SLC11A2: variants seen among roughly 807,000 people sequenced by gnomAD.
SLC11A2 encodes natural resistance-associated macrophage protein 2.
A neutral mutation model predicts 68.0 loss-of-function variants in SLC11A2; 38 were observed. That is an observed-to-expected ratio of 0.56 (90% CI 0.43 to 0.73). SLC11A2 has a LOEUF of 0.73. Among genes scored for constraint, SLC11A2 ranks in the 30% least tolerant of loss-of-function variants. The probability of loss-of-function intolerance (pLI) is 0.00; values close to 1 mark genes in which losing one functional copy is unlikely to be tolerated. For synonymous variants in SLC11A2, 242 were observed against 250.6 expected (o/e 0.97, Z 0.32); for missense variants, 517 against 690.5 (o/e 0.75, Z 2.82).
downstream of SLC11A2, among the ~76,000 whole-genome samples, chr12:50,975,660 T>C (rs993448497): frequency 1.7e-4 from 26 of 152,092 alleles, no homozygotes; most frequent in African/African-American, 5.8e-4. Flanking sequence ...CTGAAGAAGA[T>C]AGAGACAGAA....
intron 1 of SLC11A2, among the ~76,000 whole-genome samples, chr12:51,012,170 C>T (rs1424935125): frequency 6.6e-6 from 1 of 152,156 alleles, no homozygotes; most frequent in African/African-American, 2.4e-5. Flanking sequence ...GGGATGCCAG[C>T]CTTTGTCTAC....
chr12:50,979,724 T>C (rs1440059490), downstream of SLC11A2: 8 of 393,196 alleles, frequency 2.0e-5, no homozygotes, highest in African/African-American at 4.2e-5. Context: ...TTTTAAAGTG[T>C]CATTTTAGAA....
intron 15 of SLC11A2, among the ~76,000 whole-genome samples, chr12:50,988,767 T>C (rs1271827186): frequency 6.6e-6 from 1 of 152,154 alleles, no homozygotes; most frequent in Non-Finnish European, 1.5e-5. Flanking sequence ...GGCTGGAGTA[T>C]AGTGGTGCAA....
the SLC11A2 span, among the ~76,000 whole-genome samples, chr12:50,966,131 T>C: frequency 6.6e-6 from 1 of 152,200 alleles, no homozygotes; most frequent in African/African-American, 2.4e-5. Context: ...TTTCCTTGTC[T>C]TTGTCAATCA....
At position 50,997,976 on chromosome 12, in the gene SLC11A2, G is replaced by C. The variant is rs547706920; in HGVS notation, c.676-1004C>G. On this transcript the variant is annotated intron_variant, in intron 8 of 15. Transcript: ENST00000262052. ...CACTCCAGCCTGGGCGAAAGAGGGAGACTCCATCTCAAAAAAAAAAAAAGA... is the reference window on the plus strand; with the variant it reads ...CACTCCAGCCTGGGCGAAAGAGGGACACTCCATCTCAAAAAAAAAAAAAGA... 3.2e-5 allele frequency among the ~76,000 whole-genome samples: 4 copies of C among 126,932 alleles called. No individual in the cohort carries two copies. The South Asian group carries it at 8.2e-4, about 26-fold the overall frequency. 83.3% of individuals were successfully genotyped at this position (126,932 alleles called of 152,430 possible).
intron 3 of SLC11A2, among the ~76,000 whole-genome samples, chr12:51,006,431 G>C (rs970463396): frequency 6.6e-5 from 10 of 152,164 alleles, no homozygotes; most frequent in Non-Finnish European, 1.3e-4. Context: ...AACAGGCCCT[G>C]AAAGAAATCA....
In SLC11A2 at chr12:50,996,919, T is replaced by C. The variant is rs147898318; in HGVS notation, c.729A>G (p.Pro243=). 60 of 1,614,108 alleles carry C rather than the reference T, an allele frequency of 3.7e-5. No homozygotes were observed. In the African/African-American group the frequency reaches 6.0e-4, roughly 16 times the overall value. ...QSQVLKGMFV[P]SCSGCRTPQI... ...GTGGAGTGCGACAGCCTGAACAGGA[T>C]GGTACGAACATGCCCTTGAGTACCT... is the stretch of plus-strand genomic sequence containing the variant. The change falls in exon 9 of 16, where the codon CCA becomes CCG. Residue 243 remains proline (P), a synonymous_variant. Coordinates refer to ENST00000262052, the MANE Select transcript of SLC11A2 (RefSeq NM_000617.3).
At chr12:51,026,565 G>A (rs1944405054), upstream of SLC11A2, 2 of 337,246 alleles carry the variant, frequency 5.9e-6, no homozygotes, top group Admixed American at 8.7e-5. Flanking sequence ...GCACCCGGCG[G>A]GAGCTGCATG....
chr12:51,022,438 C>CAA (rs147670584), intron 1 of SLC11A2, among the ~76,000 whole-genome samples: 1 of 118,272 alleles, frequency 8.5e-6, no homozygotes, highest in East Asian at 2.4e-4. Context: ...TACTTTTTTC[C>CAA]AAAAAAAAAA....
At chr12:50,981,844 C>G, downstream of SLC11A2, 1 of 1,200,814 alleles carries the variant, frequency 8.3e-7, no homozygotes, top group Non-Finnish European at 1.1e-6. Flanking sequence ...CTGATTTTCA[C>G]GTATTTATTG....
rs142753086 is a variant in SLC11A2 at position 51,008,264 on chromosome 12, G to GGACA, written c.183+208_183+211dup. On this transcript the variant is annotated intron_variant, in intron 3 of 15. Transcript: ENST00000262052. ...TAGATAGATAGATAGATAGATAGAC[G>GGACA]GACAGACAGACAGACAGAGATAGAT... The GGACA allele has an allele frequency of 5.8e-3, 2,095 of 358,668 alleles. 71 individuals carry two copies. Among genetic ancestry groups the GGACA allele is most frequent in the African/African-American group, 0.03 (1,346 of 45,598 alleles). The allele number at this position is 358,668 out of a possible 1,614,324, so 22.2% of individuals were successfully genotyped here. A position where few individuals can be genotyped will look rare whatever the true frequency, so the allele number is the denominator to read the frequency against.
At chr12:50,991,234 A>C (rs1302891633) in intron 14 of SLC11A2, among the ~76,000 whole-genome samples, 1 of 152,148 alleles carries the variant, frequency 6.6e-6, no homozygotes, top group Non-Finnish European at 1.5e-5. Flanking sequence ...TAACGTTCCC[A>C]AAAATGCAAC....
chr12:50,952,458 C>T, the SLC11A2 span, among the ~76,000 whole-genome samples: 18 of 152,230 alleles, frequency 1.2e-4, no homozygotes, highest in Middle Eastern at 3.4e-3. Context: ...TGGCTGCAGT[C>T]GGAGGGAGGC....
intron 1 of SLC11A2, among the ~76,000 whole-genome samples, chr12:51,015,824 T>A (rs1225187921): frequency 6.6e-6 from 1 of 152,132 alleles, no homozygotes; most frequent in African/African-American, 2.4e-5. Flanking sequence ...TTTCTTCCTA[T>A]CGAACAGCAA....
chr12:50,966,813 A>G, the SLC11A2 span, among the ~76,000 whole-genome samples: 1 of 133,300 alleles, frequency 7.5e-6, no homozygotes, highest in Non-Finnish European at 1.7e-5. Context: ...ATGGTTTAAC[A>G]TAAGTGACTT....
chr12:50,970,843 T>C, the SLC11A2 span, among the ~76,000 whole-genome samples: 2 of 152,034 alleles, frequency 1.3e-5, no homozygotes, highest in African/African-American at 2.4e-5. Flanking sequence ...TTAATAATTA[T>C]ATAATGGTTA....
downstream of SLC11A2, among the ~76,000 whole-genome samples, chr12:50,975,939 C>G (rs1034357226): frequency 5.3e-5 from 8 of 152,106 alleles, no homozygotes; most frequent in African/African-American, 1.7e-4. Context: ...AAGACTAAAC[C>G]AGGAAGAAGT....
At chr12:50,957,985 T>TGTGTGTGTGTGTGTGTGTG in the SLC11A2 span, among the ~76,000 whole-genome samples, 2 of 135,978 alleles carry the variant, frequency 1.5e-5, no homozygotes, top group African/African-American at 2.7e-5. Flanking sequence ...TGTGTGTGTG[T>TGTGTGTGTGTGTGTGTGTG]AGTAGAGGCA....
At chr12:50,993,594 G>A (rs564916605) in intron 11 of SLC11A2, among the ~76,000 whole-genome samples, 3 of 130,990 alleles carry the variant, frequency 2.3e-5, no homozygotes, top group Non-Finnish European at 4.8e-5. Context: ...GGGAGGCCGA[G>A]GGGGGGGTGG....
Sources: gnomAD v4.1 joint callset for allele counts (sites outside exome capture counted in the v4.1 genomes callset) on GRCh38, gnomAD v4.1.1 for gene constraint, MANE v1.5 for transcripts, NCBI Gene and HGNC (gene_info 2026-07-23, HGNC 2026-07-21) for gene names.